Variants in PDZD2 observed in about 807,000 individuals in gnomAD.
The protein encoded by PDZD2 is PDZ domain-containing protein 2.
PDZD2 carries 90 observed loss-of-function variants against 220.7 expected under a neutral mutation model. The observed-to-expected ratio is 0.41, with a 90% CI of 0.34 to 0.49. The LOEUF (loss-of-function observed/expected upper bound fraction) is 0.49, where lower values mean the gene tolerates loss of function less well. PDZD2 is among the 20% of genes least tolerant of loss of function. PDZD2 has a pLI of 0.28. For synonymous variants in PDZD2, 1,375 were observed against 1,450.5 expected, an observed-to-expected ratio of 0.95 and a Z score of 1.18; for missense variants, 3,174 against 3,608.5, an observed-to-expected ratio of 0.88 and a Z score of 3.08.
At chr5:31,709,948 T>G (rs937976135) in intron 1 of PDZD2, among the ~76,000 whole-genome samples, 3 of 152,088 alleles carry the variant, frequency 2.0e-5, no homozygotes, top group African/African-American at 7.2e-5. Context: ...AGAGTGAGAC[T>G]CCATCTCAAA....
At chr5:31,682,643 T>C (rs1040072829) in intron 1 of PDZD2, among the ~76,000 whole-genome samples, 1 of 152,054 alleles carries the variant, frequency 6.6e-6, no homozygotes, top group African/African-American at 2.4e-5. Flanking sequence ...CAAGATTAAA[T>C]AGAACTAGCG....
At chr5:31,975,830 G>A (rs1376540171) in intron 2 of PDZD2, among the ~76,000 whole-genome samples, 6 of 107,072 alleles carry the variant, frequency 5.6e-5, no homozygotes, top group Admixed American at 5.5e-4. Flanking sequence ...TTGAGACAAG[G>A]TCTTACTCTG....
At position 31,675,473 on chromosome 5, in the gene PDZD2, A is replaced by C. The variant is rs1746372294; in HGVS notation, c.-361+36036A>C. ...GTCTGCGTTGGCTGCCAATCCTATC[A>C]AAGGGATAATAATAATAATAGTAGC... On this transcript the variant is annotated intron_variant, in intron 1 of 24. Transcript: ENST00000438447. Among the ~76,000 whole-genome samples, 2 of 152,136 alleles carry C rather than the reference A, an allele frequency of 1.3e-5. 1 individual carries two copies. The highest frequency in any genetic ancestry group is 4.1e-4 in the South Asian group (2 of 4,826).
intron 2 of PDZD2, among the ~76,000 whole-genome samples, chr5:31,824,521 A>G (rs1007513266): frequency 6.6e-6 from 1 of 152,144 alleles, no homozygotes; most frequent in Admixed American, 6.6e-5. Context: ...TAGGGGCTAC[A>G]CTGGGAGGAA....
chr5:31,907,768 C>T (rs190531108), intron 2 of PDZD2, among the ~76,000 whole-genome samples: 1 of 152,076 alleles, frequency 6.6e-6, no homozygotes, highest in East Asian at 1.9e-4. Context: ...AAAAGGATCT[C>T]CCAATTAAAT....
intron 2 of PDZD2, among the ~76,000 whole-genome samples, chr5:31,897,081 T>C (rs183233946): frequency 6.5e-4 from 99 of 152,240 alleles, no homozygotes; most frequent in African/African-American, 2.2e-3. Context: ...TGGTGAGTTT[T>C]TTTTTTTCTT....
At chr5:31,784,282 A>C (rs1477770750) in intron 1 of PDZD2, among the ~76,000 whole-genome samples, 1 of 152,194 alleles carries the variant, frequency 6.6e-6, no homozygotes, top group East Asian at 1.9e-4. Flanking sequence ...GACCTGGGGC[A>C]ATAGTGAGGT....
intron 14 of PDZD2, among the ~76,000 whole-genome samples, chr5:32,068,354 A>G (rs1000937639): frequency 6.6e-6 from 1 of 152,206 alleles, no homozygotes; most frequent in Admixed American, 6.5e-5. Context: ...AAACATCACT[A>G]TGCAAAGAAG....
rs1443752488 is a variant in PDZD2, at chr5:31,698,452, A to T, written c.-361+59015A>T. Among the ~76,000 whole-genome samples, 4 of 146,002 alleles carry T rather than the reference A, an allele frequency of 2.7e-5. No homozygotes were observed. The East Asian group carries it at 6.3e-4, about 23-fold the overall frequency. On this transcript the variant is annotated intron_variant, in intron 1 of 24. Coordinates refer to ENST00000438447, the MANE Select transcript of PDZD2 (RefSeq NM_178140.4). ...CTACTAAAAAATACAAAAAAAAATT[A>T]GCCAGGCGTGGTAGCGGGCGCCTGT...
chr5:31,729,716 A>G (rs984516219), intron 1 of PDZD2, among the ~76,000 whole-genome samples: 1 of 152,248 alleles, frequency 6.6e-6, no homozygotes, highest in Non-Finnish European at 1.5e-5. Context: ...TATGATATAC[A>G]TGACTTTTCT....
At chr5:31,653,420 T>C (rs932714095) in intron 1 of PDZD2, among the ~76,000 whole-genome samples, 1 of 152,136 alleles carries the variant, frequency 6.6e-6, no homozygotes, top group African/African-American at 2.4e-5. Flanking sequence ...GAGAAGAACC[T>C]GGGTTATACG....
At chr5:31,697,308 C>G (rs561903159) in intron 1 of PDZD2, among the ~76,000 whole-genome samples, 5 of 152,146 alleles carry the variant, frequency 3.3e-5, no homozygotes, top group Admixed American at 2.6e-4. Flanking sequence ...ACTAAAAATA[C>G]AAAAATTAGC....
chr5:32,060,246 A>C (rs1739540545), intron 13 of PDZD2, among the ~76,000 whole-genome samples: 1 of 152,068 alleles, frequency 6.6e-6, no homozygotes, highest in Non-Finnish European at 1.5e-5. Flanking sequence ...AAGGAAAAAA[A>C]TCCTTTAATG....
chr5:31,970,016 A>G (rs936428400), intron 2 of PDZD2, among the ~76,000 whole-genome samples: 1 of 151,968 alleles, frequency 6.6e-6, no homozygotes, highest in Non-Finnish European at 1.5e-5. Context: ...CTCCTGCCTC[A>G]GCCTCCCGAG....
At chr5:31,675,014 C>T (rs1482606527) in intron 1 of PDZD2, among the ~76,000 whole-genome samples, 8 of 152,130 alleles carry the variant, frequency 5.3e-5, no homozygotes, top group African/African-American at 1.9e-4. Flanking sequence ...GAACCGGGTG[C>T]TGTGGAGTGG....
intron 1 of PDZD2, among the ~76,000 whole-genome samples, chr5:31,738,961 C>G (rs946644936): frequency 1.3e-5 from 2 of 151,998 alleles, no homozygotes; most frequent in African/African-American, 4.8e-5. Flanking sequence ...TCTCCGCTCA[C>G]TGCAACCTCC....
chr5:31,691,142 G>A (rs575406197), intron 1 of PDZD2, among the ~76,000 whole-genome samples: 1 of 152,340 alleles, frequency 6.6e-6, no homozygotes, highest in Admixed American at 6.5e-5. Flanking sequence ...ACGTTCGGAT[G>A]CATTCGGAGT....
chr5:31,978,516 G>A (rs1012131229), intron 2 of PDZD2, among the ~76,000 whole-genome samples: 3 of 152,142 alleles, frequency 2.0e-5, no homozygotes, highest in South Asian at 2.1e-4. Flanking sequence ...TCAGGAGATC[G>A]AGACCATCCT....
At chr5:31,698,830 G>A (rs1020049292) in intron 1 of PDZD2, among the ~76,000 whole-genome samples, 10 of 152,184 alleles carry the variant, frequency 6.6e-5, no homozygotes, top group African/African-American at 1.4e-4. Context: ...AGATTCGGGC[G>A]GCAGCCTGAG....
Sources: allele counts gnomAD v4.1 joint callset (sites outside exome capture counted in the v4.1 genomes callset), GRCh38; gene constraint gnomAD v4.1.1; transcripts MANE v1.5; gene names NCBI Gene and HGNC (gene_info 2026-07-23, HGNC 2026-07-21).